RBFOX1: variants seen among roughly 807,000 people sequenced by gnomAD.
RBFOX1 encodes RNA binding protein fox-1 homolog 1.
RBFOX1 carries 8 observed loss-of-function variants against 57.7 expected under a neutral mutation model. The observed-to-expected ratio is 0.14, with a 90% confidence interval of 0.08 to 0.25. The LOEUF (loss-of-function observed/expected upper bound fraction) is 0.25, where lower values mean the gene tolerates loss of function less well. RBFOX1 is among the 10% of genes least tolerant of loss of function. RBFOX1 has a pLI of 1.00. For synonymous variants in RBFOX1, 326 were observed against 222.4 expected (o/e 1.47, Z -4.15); for missense variants, 611 against 548.5 (o/e 1.11, Z -1.14).
chr16:5,574,760 G>A (rs1484527993), intron 2 of RBFOX1, among the ~76,000 whole-genome samples: 1 of 152,090 alleles, frequency 6.6e-6, no homozygotes, highest in East Asian at 1.9e-4. Flanking sequence ...GTGCATCTCT[G>A]AGGTCCATTT....
Position 5,615,336 on chromosome 16 carries a change from G to GT in RBFOX1, c.318+16382dup, listed in dbSNP as rs35781764. On this transcript the variant is annotated intron_variant, in intron 3 of 19. Transcript: ENST00000641259. The stretch of plus-strand genomic sequence containing the variant: ...AGGAGCCACTGCACCCAGCAGCTGA[G>GT]TTTTTTTGACAAGCTAAGAGGCAAA... Among the ~76,000 whole-genome samples, 11 of 152,268 alleles carry GT rather than the reference G, an allele frequency of 7.2e-5. No homozygotes were observed. The East Asian group carries it at 1.9e-3, about 27-fold the overall frequency.
In RBFOX1 at chr16:7,236,348, T is replaced by A. The variant is rs147534574; in HGVS notation, c.27+184250T>A. The stretch of plus-strand genomic sequence containing the variant: ...AGAAGGAGATCATGTATGCAAAAAG[T>A]AGAACATTTCTCCCCTTCCTATTTT... On this transcript the variant is annotated intron_variant, in intron 4 of 15. Transcript: ENST00000550418. Among the ~76,000 whole-genome samples, 3 of 152,282 alleles carry A rather than the reference T, an allele frequency of 2.0e-5. No individual in the cohort carries two copies. In the East Asian group the frequency reaches 5.8e-4, roughly 29 times the overall value.
Position 7,183,449 on chromosome 16 carries a change from A to G in RBFOX1, c.27+131351A>G, listed in dbSNP as rs138393777. On this transcript the variant is annotated intron_variant, in intron 4 of 15. Transcript: ENST00000550418. ...CTGAACGAAAGTGTTTTATTTCTCT[A>G]TTGTTATTAAATAGTGAAACCTTCG... Among the ~76,000 whole-genome samples the G allele has an allele frequency of 1.1e-4, 17 of 152,284 alleles. No homozygotes were observed. The East Asian group carries it at 1.5e-3, about 14-fold the overall frequency.
At chr16:6,628,120 TC>T (rs2098334645) in intron 2 of RBFOX1, among the ~76,000 whole-genome samples, 1 of 152,172 alleles carries the variant, frequency 6.6e-6, no homozygotes, top group South Asian at 2.1e-4. Flanking sequence ...CACTTCGCAG[TC>T]CCCAAGATGT....
At chr16:6,512,673 A>G (rs750704485) in intron 2 of RBFOX1, among the ~76,000 whole-genome samples, 131 of 152,324 alleles carry the variant, frequency 8.6e-4, no homozygotes, top group Non-Finnish European at 1.5e-3. Context: ...TTTCTAGTTC[A>G]GTCCCCACAT....
At chr16:6,316,094 G>A (rs1039073482) in intron 1 of RBFOX1, among the ~76,000 whole-genome samples, 1 of 152,098 alleles carries the variant, frequency 6.6e-6, no homozygotes, top group Non-Finnish European at 1.5e-5. Context: ...AATTATCGAT[G>A]GATCAGGATT....
chr16:5,667,089 T>C (rs1657923576), intron 3 of RBFOX1, among the ~76,000 whole-genome samples: 1 of 152,224 alleles, frequency 6.6e-6, no homozygotes, highest in South Asian at 2.1e-4. Flanking sequence ...TCATTCCCTA[T>C]TTCACTATTA....
chr16:7,016,268 C>A lies in RBFOX1; in HGVS notation c.-15-35789C>A, dbSNP rs746487593. ...ACGGGACCTGCCTCATCCCCAAGAT[C>A]TGTCTCGGACATGTGGTAGATCCTT... On this transcript the variant is annotated intron_variant, in intron 3 of 15. Coordinates refer to ENST00000550418, the MANE Select transcript of RBFOX1 (RefSeq NM_018723.4). Among the ~76,000 whole-genome samples, 6 of 152,294 alleles carry A rather than the reference C, an allele frequency of 3.9e-5. No individual in the cohort carries two copies. In the East Asian group the frequency reaches 9.7e-4, roughly 25 times the overall value.
At chr16:6,166,472 C>G (rs916908308) in intron 1 of RBFOX1, among the ~76,000 whole-genome samples, 1 of 152,130 alleles carries the variant, frequency 6.6e-6, no homozygotes, top group African/African-American at 2.4e-5. Context: ...CTCTATTTCT[C>G]TCTCCTTCTC....
chr16:6,803,487 G>A (rs931525605), intron 3 of RBFOX1, among the ~76,000 whole-genome samples: 1 of 152,122 alleles, frequency 6.6e-6, no homozygotes, highest in Non-Finnish European at 1.5e-5. Context: ...GAAATTTTTA[G>A]CTCCCCAGTG....
chr16:6,098,188 C>A (rs975786656), intron 1 of RBFOX1, among the ~76,000 whole-genome samples: 4 of 152,196 alleles, frequency 2.6e-5, no homozygotes, highest in African/African-American at 9.6e-5. Context: ...TTAATCTTCC[C>A]CACCCTGGGA....
chr16:5,757,060 T>A lies in RBFOX1; in HGVS notation c.319-110243T>A, dbSNP rs759598428. ...GTTGGCAAAGGATGGGGGAGTTCTGTATTGCATTCTTCAGATTCATTGAGA... is the reference window on the plus strand; with the variant it reads ...GTTGGCAAAGGATGGGGGAGTTCTGAATTGCATTCTTCAGATTCATTGAGA... On this transcript the variant is annotated intron_variant, in intron 3 of 19. Transcript: ENST00000641259. 2.0e-4 allele frequency among the ~76,000 whole-genome samples: 31 copies of A among 152,300 alleles called. 1 individual carries two copies. Among genetic ancestry groups the A allele is most frequent in the Non-Finnish European group, 3.7e-4 (25 of 68,018 alleles).
At chr16:6,496,578 C>T (rs2153159054) in intron 2 of RBFOX1, among the ~76,000 whole-genome samples, 1 of 152,258 alleles carries the variant, frequency 6.6e-6, no homozygotes, top group African/African-American at 2.4e-5. Context: ...ATTACATTGC[C>T]CCTCGTCGAA....
At position 6,418,675 on chromosome 16, in the gene RBFOX1, A is replaced by C. The variant is rs141885220; in HGVS notation, c.-64+101618A>C. ...AGTAGCTGGGCTACAGGTGCATGCC[A>C]CCACACCTGGCTAATTTAAGAAGTA... On this transcript the variant is annotated intron_variant, in intron 2 of 15. Coordinates refer to ENST00000550418, the MANE Select transcript of RBFOX1 (RefSeq NM_018723.4). Among the ~76,000 whole-genome samples, 457 of 151,934 alleles carry C rather than the reference A, an allele frequency of 3.0e-3. 4 individuals carry two copies. The highest frequency in any genetic ancestry group is 0.01 in the African/African-American group (433 of 41,434).
chr16:7,709,012 AAT>A, intron 14 of RBFOX1, 42 bp from the exon 15 acceptor site: 3 of 1,534,012 alleles, frequency 2.0e-6, no homozygotes, highest in African/African-American at 2.7e-5. Context: ...ATTGTTTTGT[AAT>A]TGCATACTGT....
At chr16:6,898,395 C>G (rs2067507560) in intron 3 of RBFOX1, among the ~76,000 whole-genome samples, 1 of 152,106 alleles carries the variant, frequency 6.6e-6, no homozygotes, top group Non-Finnish European at 1.5e-5. Flanking sequence ...TGAGTGCACC[C>G]CAGCCCCTGA....
intron 4 of RBFOX1, among the ~76,000 whole-genome samples, chr16:7,345,524 C>T (rs1171450744): frequency 6.6e-6 from 1 of 152,186 alleles, no homozygotes; most frequent in East Asian, 1.9e-4. Context: ...AGCAGAGGGA[C>T]TTGGCACGGC....
intron 4 of RBFOX1, among the ~76,000 whole-genome samples, chr16:7,120,835 A>G (rs2047378415): frequency 6.9e-6 from 1 of 145,584 alleles, no homozygotes; most frequent in Admixed American, 6.8e-5. Context: ...ATATATACAC[A>G]CACACACACA....
intron 4 of RBFOX1, among the ~76,000 whole-genome samples, chr16:7,173,281 C>G (rs935392472): frequency 6.6e-6 from 1 of 152,158 alleles, no homozygotes; most frequent in Admixed American, 6.5e-5. Flanking sequence ...TCAAATCCAA[C>G]GTGCATTTAG....
Sources: gnomAD v4.1 joint callset for allele counts (sites outside exome capture counted in the v4.1 genomes callset) on GRCh38, gnomAD v4.1.1 for gene constraint, MANE v1.5 for transcripts, NCBI Gene and HGNC (gene_info 2026-07-23, HGNC 2026-07-21) for gene names.